The following DGKB variants were observed in gnomAD, a reference collection of about 807,000 sequenced individuals.
DGKB encodes the protein diacylglycerol kinase beta.
A neutral mutation model predicts 114.3 loss-of-function variants in DGKB; 67 were observed. The observed-to-expected ratio is 0.59, with a 90% confidence interval of 0.48 to 0.72. The LOEUF (loss-of-function observed/expected upper bound fraction) is 0.72. Ranked by LOEUF, DGKB falls within the 30% of genes least tolerant of loss-of-function variation. The probability of loss-of-function intolerance (pLI) is 0.00; values close to 1 mark genes in which losing one functional copy is unlikely to be tolerated. For missense variants in DGKB, 907 were observed against 975.2 expected (o/e 0.93, Z 0.93); for synonymous variants, 398 against 323.1 (o/e 1.23, Z -2.49).
intron 2 of DGKB, among the ~76,000 whole-genome samples, chr7:14,758,614 C>T (rs997448713): frequency 6.6e-6 from 1 of 151,982 alleles, no homozygotes; most frequent in Admixed American, 6.6e-5. Context: ...TTTTATGGAA[C>T]AGAGCATGGA....
intron 23 of DGKB, among the ~76,000 whole-genome samples, chr7:14,233,787 C>T (rs1792294268): frequency 1.3e-5 from 2 of 151,908 alleles, no homozygotes; most frequent in Admixed American, 1.3e-4. Context: ...GGGGGTGCAA[C>T]CACAGGTCGA....
chr7:14,347,008 T>C (rs1812586375), intron 21 of DGKB, among the ~76,000 whole-genome samples: 1 of 152,042 alleles, frequency 6.6e-6, no homozygotes, highest in South Asian at 2.1e-4. Context: ...AAAAGTTTAA[T>C]GAGAACACTC....
chr7:14,470,776 G>A (rs1397768056), intron 21 of DGKB, among the ~76,000 whole-genome samples: 1 of 151,460 alleles, frequency 6.6e-6, no homozygotes, highest in African/African-American at 2.4e-5. Flanking sequence ...TTTTTCATTT[G>A]TACATTAAAG....
chr7:14,783,627 G>T (rs143271092), intron 2 of DGKB, among the ~76,000 whole-genome samples: 1 of 152,098 alleles, frequency 6.6e-6, no homozygotes, highest in Non-Finnish European at 1.5e-5. Flanking sequence ...TCCAATACAA[G>T]AATTATTATT....
At chr7:14,409,350 A>G (rs1824462222) in intron 21 of DGKB, among the ~76,000 whole-genome samples, 1 of 152,132 alleles carries the variant, frequency 6.6e-6, no homozygotes, top group African/African-American at 2.4e-5. Context: ...CATGAGACCC[A>G]CATGAAATGC....
intron 21 of DGKB, among the ~76,000 whole-genome samples, chr7:14,390,109 C>G (rs1821091833): frequency 1.3e-5 from 2 of 152,162 alleles, no homozygotes; most frequent in South Asian, 4.1e-4. Context: ...CTGTTTCAAG[C>G]TAGGAAATGC....
chr7:14,321,097 T>C (rs1047103483), intron 23 of DGKB, among the ~76,000 whole-genome samples: 8 of 151,872 alleles, frequency 5.3e-5, no homozygotes, highest in South Asian at 4.1e-4. Context: ...TTGAGACCAT[T>C]CTGGAAAACA....
At chr7:14,910,120 G>A (rs997611141) in intron 1 of DGKB, among the ~76,000 whole-genome samples, 2 of 151,610 alleles carry the variant, frequency 1.3e-5, no homozygotes, top group Non-Finnish European at 1.5e-5. Context: ...GACTAATGTA[G>A]TCCCTAGCTA....
At chr7:14,772,098 T>C (rs1422969060) in intron 2 of DGKB, among the ~76,000 whole-genome samples, 1 of 152,104 alleles carries the variant, frequency 6.6e-6, no homozygotes, top group Non-Finnish European at 1.5e-5. Context: ...CCAATGTATT[T>C]CTTAAATGTA....
chr7:14,398,459 T>C (rs553428369), intron 21 of DGKB, among the ~76,000 whole-genome samples: 2 of 152,164 alleles, frequency 1.3e-5, no homozygotes, highest in East Asian at 3.9e-4. Context: ...CACATTATGA[T>C]TTTGACAAAT....
At chr7:14,943,075 T>C (rs973220492) in intron 1 of DGKB, among the ~76,000 whole-genome samples, 6 of 152,116 alleles carry the variant, frequency 3.9e-5, no homozygotes, top group African/African-American at 1.4e-4. Flanking sequence ...ACTGATTGAC[T>C]TACTGATAAT....
At chr7:14,699,036 T>C (rs1028739798) in intron 7 of DGKB, among the ~76,000 whole-genome samples, 1 of 151,974 alleles carries the variant, frequency 6.6e-6, no homozygotes, top group Non-Finnish European at 1.5e-5. Flanking sequence ...TCGATGTTCA[T>C]GGAATAGAGA....
intron 23 of DGKB, among the ~76,000 whole-genome samples, chr7:14,198,871 G>A (rs1038370225): frequency 7.9e-5 from 12 of 151,996 alleles, no homozygotes; most frequent in African/African-American, 2.2e-4. Context: ...AGGACAGGGC[G>A]AACTGTGCAG....
intron 20 of DGKB, among the ~76,000 whole-genome samples, chr7:14,520,262 T>C (rs1789547929): frequency 6.6e-6 from 1 of 150,596 alleles, no homozygotes; most frequent in South Asian, 2.1e-4. Context: ...GTCGGTTTTC[T>C]TATCTTATAA....
At chr7:14,314,069 G>C (rs1805973777) in intron 23 of DGKB, among the ~76,000 whole-genome samples, 1 of 152,092 alleles carries the variant, frequency 6.6e-6, no homozygotes, top group Non-Finnish European at 1.5e-5. Context: ...GCAGCTGAGG[G>C]TCCTGTCTGT....
At chr7:14,164,120 G>A (rs1784311486) in intron 25 of DGKB, among the ~76,000 whole-genome samples, 2 of 152,144 alleles carry the variant, frequency 1.3e-5, no homozygotes, top group South Asian at 2.1e-4. Flanking sequence ...TAGGCAAAAT[G>A]CAATTTCTAG....
intron 23 of DGKB, among the ~76,000 whole-genome samples, chr7:14,213,086 A>T (rs62445574): frequency 6.6e-6 from 1 of 152,032 alleles, no homozygotes. Flanking sequence ...TTTGAAATAT[A>T]TCAGTTTTGT....
intron 23 of DGKB, among the ~76,000 whole-genome samples, chr7:14,236,456 A>G (rs1414422233): frequency 6.6e-6 from 1 of 151,946 alleles, no homozygotes; most frequent in East Asian, 1.9e-4. Flanking sequence ...TTATAATAAC[A>G]CTAAAGAAGA....
chr7:14,504,335 A>G (rs1786678349), intron 20 of DGKB, among the ~76,000 whole-genome samples: 1 of 152,158 alleles, frequency 6.6e-6, no homozygotes, highest in Non-Finnish European at 1.5e-5. Flanking sequence ...TTCTAATGGT[A>G]ATGAAGTCAC....
Sources: gnomAD v4.1 joint callset for allele counts (sites outside exome capture counted in the v4.1 genomes callset) on GRCh38, gnomAD v4.1.1 for gene constraint, MANE v1.5 for transcripts, NCBI Gene and HGNC (gene_info 2026-07-23, HGNC 2026-07-21) for gene names.